IQGAP1: variants seen among roughly 807,000 people sequenced by gnomAD.
IQGAP1 encodes the protein ras GTPase-activating-like protein IQGAP1.
IQGAP1 carries 66 observed loss-of-function variants against 215.6 expected under a neutral mutation model. That is an observed-to-expected ratio of 0.31 (90% confidence interval 0.25 to 0.38). IQGAP1 has a LOEUF of 0.38. Among genes scored for constraint, IQGAP1 ranks in the 10% least tolerant of loss-of-function variants. The probability of loss-of-function intolerance (pLI) is 1.00; values close to 1 mark genes in which losing one functional copy is unlikely to be tolerated. For missense variants in IQGAP1, 1,712 were observed against 1,997.1 expected (o/e 0.86, Z 2.72); for synonymous variants, 772 against 728.7 (o/e 1.06, Z -0.96).
intron 2 of IQGAP1, among the ~76,000 whole-genome samples, chr15:90,422,104 G>A (rs533882447): frequency 8.3e-4 from 127 of 152,170 alleles, no homozygotes; most frequent in Middle Eastern, 6.8e-3. Context: ...GTATTTCTGC[G>A]ATTTTTCCCT....
chr15:90,457,396 T>A (rs1965699278), intron 15 of IQGAP1, among the ~76,000 whole-genome samples: 1 of 152,022 alleles, frequency 6.6e-6, no homozygotes, highest in Non-Finnish European at 1.5e-5. Context: ...TTTGTTGTTT[T>A]GTTTGTTTTT....
At chr15:90,482,711 T>C in intron 28 of IQGAP1, 3 of 1,003,774 alleles carry the variant, frequency 3.0e-6, no homozygotes, top group South Asian at 7.9e-5. Context: ...GTTCTGTGCT[T>C]TCCTACAGTG....
At chr15:90,399,096 T>C (rs1014299793) in intron 2 of IQGAP1, among the ~76,000 whole-genome samples, 3 of 151,362 alleles carry the variant, frequency 2.0e-5, no homozygotes, top group Non-Finnish European at 2.9e-5. Flanking sequence ...CCTGGGACTA[T>C]AGGCCCACTT....
At chr15:90,404,635 G>A (rs1308315660) in intron 2 of IQGAP1, among the ~76,000 whole-genome samples, 1 of 150,852 alleles carries the variant, frequency 6.6e-6, no homozygotes, top group East Asian at 1.9e-4. Flanking sequence ...GTCTCATTCT[G>A]TTGCCCAGCC....
chr15:90,466,492 G>A, intron 17 of IQGAP1, 56 bp downstream of exon 17: 3 of 1,040,240 alleles, frequency 2.9e-6, no homozygotes, highest in Non-Finnish European at 4.5e-6. Flanking sequence ...GTATATGAGG[G>A]GACAGATGTA....
chr15:90,454,676 C>A (rs1384725712), intron 14 of IQGAP1, 124 bp downstream of exon 14: 7 of 1,046,726 alleles, frequency 6.7e-6, no homozygotes, highest in Middle Eastern at 4.9e-4. Context: ...ATCTATATAA[C>A]ACAAAAGGCT....
chr15:90,429,713 G>T, intron 4 of IQGAP1, 47 bp downstream of exon 4: 1 of 1,271,486 alleles, frequency 7.9e-7, no homozygotes, highest in South Asian at 1.3e-5. Flanking sequence ...AGCTGTTGTG[G>T]CATAACCCTC....
intron 9 of IQGAP1, among the ~76,000 whole-genome samples, chr15:90,444,279 G>GTGTGTGTGTA (rs773341335): frequency 0.019 from 1,383 of 72,870 alleles, 19 homozygotes; most frequent in African/African-American, 0.093. Context: ...GTGTGTGTGT[G>GTGTGTGTGTA]TATATATATA....
intron 10 of IQGAP1, among the ~76,000 whole-genome samples, chr15:90,448,991 C>T (rs1282924858): frequency 6.6e-6 from 1 of 152,196 alleles, no homozygotes; most frequent in Non-Finnish European, 1.5e-5. Flanking sequence ...CACTCCTTCA[C>T]TTCAGCTGTC....
chr15:90,399,821 T>G (rs1964780291), intron 2 of IQGAP1, among the ~76,000 whole-genome samples: 1 of 152,194 alleles, frequency 6.6e-6, no homozygotes, highest in Non-Finnish European at 1.5e-5. Context: ...ACCAGCTGTT[T>G]ATTACCTATT....
At chr15:90,486,824 C>A in intron 31 of IQGAP1, 130 bp from the exon 32 acceptor site, 2 of 874,942 alleles carry the variant, frequency 2.3e-6, no homozygotes, top group East Asian at 2.6e-5. Context: ...AAAAGTTGTT[C>A]TCGTCACACT....
chr15:90,453,000 A>T, intron 12 of IQGAP1, 62 bp downstream of exon 12: 1 of 1,584,366 alleles, frequency 6.3e-7, no homozygotes, highest in Non-Finnish European at 8.6e-7. Context: ...TGTAATACCC[A>T]CTTCTTCCTG....
rs745748585 is a variant in IQGAP1, at chr15:90,482,178, A to G, written c.3471-19A>G. ...TTCTGCTCCTTGGCCCTTCTCACTA[A>G]GTTTTGTCCATCCCGCAGTTATGGG... On this transcript the variant is annotated intron_variant, in intron 27 of 37. Coordinates refer to ENST00000268182, the MANE Select transcript of IQGAP1 (RefSeq NM_003870.4). 10 of 1,614,036 alleles carry G rather than the reference A, an allele frequency of 6.2e-6. No individual in the cohort carries two copies. Among genetic ancestry groups the G allele is most frequent in the African/African-American group, 1.3e-5 (1 of 74,940 alleles).
intron 2 of IQGAP1, among the ~76,000 whole-genome samples, chr15:90,420,837 C>G (rs892639746): frequency 5.3e-5 from 8 of 152,236 alleles, no homozygotes; most frequent in African/African-American, 1.7e-4. Flanking sequence ...ACCCTCCCAC[C>G]TCAGCCATAG....
chr15:90,397,088 A>G (rs961206200), intron 2 of IQGAP1, among the ~76,000 whole-genome samples: 4 of 152,062 alleles, frequency 2.6e-5, no homozygotes, highest in African/African-American at 7.2e-5. Flanking sequence ...CCTGACCTCA[A>G]GTGATCCACC....
chr15:90,419,811 GA>G (rs943771491), intron 2 of IQGAP1, among the ~76,000 whole-genome samples: 3 of 152,184 alleles, frequency 2.0e-5, no homozygotes, highest in Non-Finnish European at 4.4e-5. Flanking sequence ...GTGTCAGAAT[GA>G]AAAAGATGAT....
intron 14 of IQGAP1, among the ~76,000 whole-genome samples, chr15:90,455,797 AGACTCTTCGT>A (rs1267488276): frequency 5.9e-5 from 9 of 152,226 alleles, no homozygotes; most frequent in Non-Finnish European, 1.2e-4. Context: ...AACCTTTTTA[AGACTCTTCGT>A]GAATCCTTTG....
At position 90,388,365 on chromosome 15, in the gene IQGAP1, C is replaced by T. The variant is rs773002278; in HGVS notation, c.24C>T (p.Asp8=). 2.5e-6 allele frequency: 4 copies of T among 1,590,172 alleles called. No individual in the cohort carries two copies. Among genetic ancestry groups the T allele is most frequent in the South Asian group, 1.1e-5 (1 of 90,066 alleles). MSAADEV[D]GLGVARPHYG... ...CCATGTCCGCCGCAGACGAGGTTGACGGGCTGGGCGTGGCCCGGCCGCACT... is the reference window on the plus strand; with the variant it reads ...CCATGTCCGCCGCAGACGAGGTTGATGGGCTGGGCGTGGCCCGGCCGCACT... The change falls in exon 1 of 38, where the codon GAC becomes GAT. Residue 8 remains aspartate (D), a synonymous_variant. Coordinates refer to ENST00000268182, the MANE Select transcript of IQGAP1 (RefSeq NM_003870.4).
intron 7 of IQGAP1, 66 bp downstream of exon 7, chr15:90,440,681 A>G: frequency 3.0e-6 from 3 of 990,888 alleles, no homozygotes; most frequent in Non-Finnish European, 4.7e-6. Flanking sequence ...AATTAATTCT[A>G]TAGTGATGAT....
Sources: allele counts gnomAD v4.1 joint callset (sites outside exome capture counted in the v4.1 genomes callset), GRCh38; gene constraint gnomAD v4.1.1; transcripts MANE v1.5; gene names NCBI Gene and HGNC (gene_info 2026-07-23, HGNC 2026-07-21).